The following PWWP3A variants were observed in gnomAD, a reference collection of about 807,000 sequenced individuals.
The protein encoded by PWWP3A is PWWP domain containing 3A, DNA repair factor, also known as PWWP domain-containing DNA repair factor 3A.
In PWWP3A, 53 loss-of-function variants were observed where a neutral mutation model predicts 79.0. That is an observed-to-expected ratio of 0.67 (90% CI 0.54 to 0.84). The LOEUF is 0.84. Ranked by LOEUF, PWWP3A falls within the 40% of genes least tolerant of loss-of-function variation. The pLI, the probability that PWWP3A is intolerant of heterozygous loss-of-function variation, is 0.00. For missense variants in PWWP3A, 973 were observed against 948.0 expected (o/e 1.03, Z -0.35); for synonymous variants, 443 against 394.4 (o/e 1.12, Z -1.46).
rs2081809194 is a variant in PWWP3A at position 1,355,049 on chromosome 19, G to A, written c.-156G>A. On this transcript the variant is annotated 5_prime_UTR_variant, in exon 1 of 14. Coordinates refer to ENST00000591337, the MANE Select transcript of PWWP3A (RefSeq NM_001369789.1). ...AGCGCGGGCGGCGCGGACGGCAGCG[G>A]TTGGCGGGCGGGTCCTCCGCTGTTG... is the stretch of plus-strand genomic sequence containing the variant. 7.3e-5 allele frequency: 11 copies of A among 151,414 alleles called. No homozygotes were observed. In the South Asian group the frequency reaches 1.9e-3, roughly 27 times the overall value. 9.4% of individuals were successfully genotyped at this position (151,414 alleles called of 1,614,324 possible).
intron 2 of PWWP3A, 75 bp downstream of exon 2, chr19:1,356,524 T>C (rs1424798255): frequency 2.9e-6 from 4 of 1,375,226 alleles, no homozygotes; most frequent in African/African-American, 1.4e-5. Context: ...GATCAGGAGA[T>C]ACCTAGGATT....
At chr19:1,373,191 C>G (rs750228978) in intron 13 of PWWP3A, 31 bp downstream of exon 13, 1 of 1,589,164 alleles carries the variant, frequency 6.3e-7, no homozygotes, top group Non-Finnish European at 8.6e-7. Context: ...TCTCCAGCCA[C>G]TTGCGTCTCT....
At position 1,366,370 on chromosome 19, in the gene PWWP3A, G is replaced by A. The variant is rs201942997; in HGVS notation, c.1350G>A (p.Pro450=). The A allele has an allele frequency of 5.6e-6, 9 of 1,614,038 alleles. No individual in the cohort carries two copies. In the East Asian group the frequency reaches 8.9e-5, roughly 16 times the overall value. Residue 450 remains proline, a synonymous_variant, in exon 8 of 14, where the codon CCG becomes CCA. Transcript: ENST00000591337. ...SVLYIEGHMN[P]KMKGFTVSLK... ...TATACATCGAAGGACACATGAACCC[G>A]AAAATGAAAGGGTAACCCGCTGTTC...
rs536425389 is a variant in PWWP3A at position 1,360,952 on chromosome 19, G to C, written c.1031G>C (p.Arg344Thr). 4.7e-6 allele frequency: 7 copies of C among 1,484,260 alleles called. No individual in the cohort carries two copies. The highest frequency in any genetic ancestry group is 6.3e-6 in the Non-Finnish European group (7 of 1,117,744). 91.9% of individuals were successfully genotyped at this position (1,484,260 alleles called of 1,614,324 possible). The change falls in exon 5 of 14, where the codon AGG becomes ACG. Residue 344 changes from arginine (R) to threonine (T), a missense_variant. Transcript: ENST00000591337. This position sits in a 1 kb window ranked among gnomAD's most constrained non-coding sequence, Gnocchi z 4.4. ...RESVTPRSTA[R>T]LGPPPSHASA... ...TCTGTGACCCCGCGCAGCACCGCCA[G>C]GCTGGGCCCGCCTCCCTCCCACGCC...
At chr19:1,357,417 T>TTC in intron 3 of PWWP3A, 1 of 172,438 alleles carries the variant, frequency 5.8e-6, no homozygotes, top group Non-Finnish European at 1.2e-5. Context: ...TTTTTTTTTT[T>TTC]GACTGTTTCT....
In PWWP3A at chr19:1,376,768, T is replaced by C. The variant is rs1211265453; in HGVS notation, c.*192T>C. 25 of 492,328 alleles carry C rather than the reference T, an allele frequency of 5.1e-5. No individual in the cohort carries two copies. Among genetic ancestry groups the C allele is most frequent in the Admixed American group, 1.6e-4 (4 of 25,634 alleles). The allele number at this position is 492,328 out of a possible 1,614,324, so 30.5% of individuals were successfully genotyped here. A position where few individuals can be genotyped will look rare whatever the true frequency, so the allele number is the denominator to read the frequency against. ...CGTTAACACTGAAAGCCAGTTCTCT[T>C]TTCCTGGCAGTTTTTTTCATTTTAT... On this transcript the variant is annotated 3_prime_UTR_variant, in exon 14 of 14. Transcript: ENST00000591337.
chr19:1,364,366 T>A (rs543162073), intron 6 of PWWP3A, 143 bp from the exon 7 acceptor site: 4 of 685,132 alleles, frequency 5.8e-6, no homozygotes, highest in East Asian at 2.6e-5. Context: ...CAGATTCTCC[T>A]GATCTTTTAA....
At position 1,360,644 on chromosome 19, in the gene PWWP3A, A is replaced by C. The variant is rs2081990813; in HGVS notation, c.723A>C (p.Arg241Ser). The change falls in exon 5 of 14, where the codon AGA becomes AGC. Residue 241 changes from arginine (R) to serine (S), a missense_variant. Arg to Ser is a moderately radical substitution (Grantham distance 110, BLOSUM62 -1). Coordinates refer to ENST00000591337, the MANE Select transcript of PWWP3A (RefSeq NM_001369789.1). The surrounding 1 kb of genome is among the most constrained non-coding windows in gnomAD (Gnocchi z 4.4). The stretch of plus-strand genomic sequence containing the variant: ...CCCTTTCAGAGGACGACACGGAGAG[A>C]GACATGGGGAGCAAAGGAGGCAGCT... ...GSSLSEDDTE[R>S]DMGSKGGSWA... 1.2e-6 allele frequency: 2 copies of C among 1,613,108 alleles called. No homozygotes were observed. The highest frequency in any genetic ancestry group is 1.7e-6 in the Non-Finnish European group (2 of 1,179,430).
Position 1,373,252 on chromosome 19 carries a change from C to T in PWWP3A, c.2075+92C>T, listed in dbSNP as rs538593752. 8.8e-5 allele frequency: 98 copies of T among 1,117,050 alleles called. No individual in the cohort carries two copies. In the Middle Eastern group the frequency reaches 2.0e-3, roughly 22 times the overall value. 69.2% of individuals were successfully genotyped at this position (1,117,050 alleles called of 1,614,324 possible). On this transcript the variant is annotated intron_variant, in intron 13 of 13. Coordinates refer to ENST00000591337, the MANE Select transcript of PWWP3A (RefSeq NM_001369789.1). Reference sequence around the variant, plus strand: ...CACAGGCAGTTTGACTCCAGGCTGCCGCAGCCCCTCTCCCTCATGAGGTGG... The same window carrying T: ...CACAGGCAGTTTGACTCCAGGCTGCTGCAGCCCCTCTCCCTCATGAGGTGG...
intron 13 of PWWP3A, 36 bp from the exon 14 acceptor site, chr19:1,376,483 A>G (rs970986160): frequency 1.2e-5 from 20 of 1,604,988 alleles, no homozygotes; most frequent in Non-Finnish European, 1.7e-5. Context: ...ACACACAATG[A>G]TTAATTACTA....
chr19:1,373,552 A>T (rs1441239009), intron 13 of PWWP3A: 1 of 199,832 alleles, frequency 5.0e-6, no homozygotes, highest in Admixed American at 5.6e-5. Flanking sequence ...TCCAGCAGCC[A>T]GAAGAATGCT....
chr19:1,357,670 G>C (rs185640743), intron 3 of PWWP3A: 1 of 150,948 alleles, frequency 6.6e-6, no homozygotes, highest in South Asian at 2.1e-4. Context: ...CAATTCCGAC[G>C]CCCCAGTCAG....
intron 13 of PWWP3A, among the ~76,000 whole-genome samples, chr19:1,375,538 T>G (rs28590680): frequency 1.6e-4 from 1 of 6,426 alleles, no homozygotes; most frequent in African/African-American, 4.3e-4. Context: ...TTTATATATT[T>G]TATATATAAA....
intron 13 of PWWP3A, among the ~76,000 whole-genome samples, chr19:1,375,492 A>C (rs1229413207): frequency 3.0e-5 from 2 of 66,634 alleles, no homozygotes; most frequent in Non-Finnish European, 5.8e-5. Context: ...TATATAAAAT[A>C]TATAAATTTT....
At chr19:1,371,891 T>G (rs1232205090) in intron 12 of PWWP3A, among the ~76,000 whole-genome samples, 1 of 147,514 alleles carries the variant, frequency 6.8e-6, no homozygotes, top group African/African-American at 2.5e-5. Flanking sequence ...CACTGCAAGC[T>G]CTGCCTCCCA....
At chr19:1,375,890 C>CTGCAA (rs1404992386) in intron 13 of PWWP3A, among the ~76,000 whole-genome samples, 1 of 148,644 alleles carries the variant, frequency 6.7e-6, no homozygotes, top group Non-Finnish European at 1.5e-5. Context: ...ACTGCAACCC[C>CTGCAA]CCCACCGTGC....
chr19:1,357,171 C>A, intron 3 of PWWP3A, 77 bp downstream of exon 3: 1 of 1,074,250 alleles, frequency 9.3e-7, no homozygotes, highest in Non-Finnish European at 1.4e-6. Flanking sequence ...TCCCCCAAAA[C>A]AGTTGAAGCC....
chr19:1,356,449 G>A lies in PWWP3A; in HGVS notation c.57G>A (p.Lys19=). The A allele has an allele frequency of 6.2e-7, 1 of 1,614,102 alleles. No individual in the cohort carries two copies. Among genetic ancestry groups the A allele is most frequent in the Non-Finnish European group, 8.5e-7 (1 of 1,179,944 alleles). The change falls in exon 2 of 14, where the codon AAG becomes AAA. Residue 19 remains lysine, a splice_region_variant and synonymous_variant. Coordinates refer to ENST00000591337, the MANE Select transcript of PWWP3A (RefSeq NM_001369789.1). ...GGGAAAAGCGATTATGGCCTGCGAA[G>A]GTGACAGCCATTATTCTGTAACTTC... The part of the protein sequence containing the change: ...CRWEKRLWPA[K]VLARTATSTK...
chr19:1,356,571 C>A, intron 2 of PWWP3A, 122 bp downstream of exon 2: 1 of 894,254 alleles, frequency 1.1e-6, no homozygotes, highest in Non-Finnish European at 1.7e-6. Context: ...ACACGGTTGG[C>A]ACTGATTCTC....
Sources: gnomAD v4.1 joint callset for allele counts (sites outside exome capture counted in the v4.1 genomes callset) on GRCh38, gnomAD v4.1.1 for gene constraint, Gnocchi (gnomAD v3.1) non-coding constraint, MANE v1.5 for transcripts, NCBI Gene and HGNC (gene_info 2026-07-23, HGNC 2026-07-21) for gene names.